Variants in MOGAT2 observed in about 807,000 individuals in gnomAD.
The protein encoded by MOGAT2 is 2-acylglycerol O-acyltransferase 2.
In MOGAT2, 27 loss-of-function variants were observed where a neutral mutation model predicts 31.5. The ratio of observed to expected loss-of-function variants is 0.86; its 90% confidence interval spans 0.63 to 1.18. The LOEUF (loss-of-function observed/expected upper bound fraction) is 1.18, where lower values mean the gene tolerates loss of function less well. Ranked by LOEUF, MOGAT2 falls within the 50% of genes most tolerant of loss-of-function variation. The pLI is 0.00. For synonymous variants in MOGAT2, 163 were observed against 170.0 expected (o/e 0.96, Z 0.32); for missense variants, 436 against 433.2 (o/e 1.01, Z -0.06).
chr11:75,720,775 A>G (rs1405105976), intron 2 of MOGAT2, among the ~76,000 whole-genome samples: 1 of 152,100 alleles, frequency 6.6e-6, no homozygotes. Flanking sequence ...CCATGTATCT[A>G]GTAAGTACAC....
At chr11:75,718,978 C>T (rs925056568) in intron 1 of MOGAT2, among the ~76,000 whole-genome samples, 7 of 150,852 alleles carry the variant, frequency 4.6e-5, no homozygotes, top group Non-Finnish European at 8.9e-5. Context: ...CTCTCTCTCT[C>T]TCTCACACAC....
rs1944430307 is a variant in MOGAT2, at chr11:75,727,411, C to T, written c.271-24C>T. The T allele has an allele frequency of 8.7e-6, 14 of 1,606,876 alleles. No homozygotes were observed. The East Asian group carries it at 3.1e-4, about 36-fold the overall frequency. On this transcript the variant is annotated intron_variant, in intron 2 of 5. Coordinates refer to ENST00000198801, the MANE Select transcript of MOGAT2 (RefSeq NM_025098.4). ...GGCTGGTACACAGGCCCCGCCCTGG[C>T]TCAGCAGGTTGCCGTCCCTGCAGCT...
At chr11:75,719,625 T>C (rs1417378067) in intron 1 of MOGAT2, 1 of 201,832 alleles carries the variant, frequency 5.0e-6, no homozygotes, top group African/African-American at 2.3e-5. Context: ...ACTAGAACAG[T>C]TTATCCAACC....
chr11:75,727,560 C>T lies in MOGAT2; in HGVS notation c.396C>T (p.Phe132=). ...CTESTGFSSI[F]PGIRPHLMML... is the part of the protein sequence containing the mutation. ...AGAGCACAGGCTTCTCTTCGATCTT[C>T]CCCGGTATCCGCCCCCATCTGATGA... is the stretch of plus-strand genomic sequence containing the variant. Residue 132 remains phenylalanine, a synonymous_variant, in exon 3 of 6, where the codon TTC becomes TTT. Transcript: ENST00000198801. 2 of 1,614,206 alleles carry T rather than the reference C, an allele frequency of 1.2e-6. No individual in the cohort carries two copies. Among genetic ancestry groups the T allele is most frequent in the East Asian group, 2.2e-5 (1 of 44,882 alleles).
At chr11:75,724,535 G>A (rs889187601) in intron 2 of MOGAT2, among the ~76,000 whole-genome samples, 5 of 152,088 alleles carry the variant, frequency 3.3e-5, no homozygotes, top group Admixed American at 6.5e-5. Context: ...CTCGGTGGGC[G>A]CTTGTCATCC....
rs12284314 is a variant in MOGAT2 at position 75,727,879 on chromosome 11, G to T, written c.476-91G>T. 161 of 1,340,158 alleles carry T rather than the reference G, an allele frequency of 1.2e-4. 2 individuals carry two copies. In the African/African-American group the frequency reaches 1.9e-3, roughly 16 times the overall value. 83.0% of individuals were successfully genotyped at this position (1,340,158 alleles called of 1,614,324 possible). A position where few individuals can be genotyped will look rare whatever the true frequency, so the allele number is the denominator to read the frequency against. ...GGGGGAAAAACCCCAGGCCTCAGTA[G>T]GCATTGCTGGTGATCTCTTTATGGG... On this transcript the variant is annotated intron_variant, in intron 3 of 5. Coordinates refer to ENST00000198801, the MANE Select transcript of MOGAT2 (RefSeq NM_025098.4).
chr11:75,725,855 A>T (rs985667196), intron 2 of MOGAT2, among the ~76,000 whole-genome samples: 1 of 152,096 alleles, frequency 6.6e-6, no homozygotes, highest in Non-Finnish European at 1.5e-5. Flanking sequence ...CCTATCAGGG[A>T]GCCTCCCGAT....
Position 75,727,825 on chromosome 11 carries a change from G to C in MOGAT2, c.476-145G>C, listed in dbSNP as rs1181263308. The C allele has an allele frequency of 3.9e-6, 4 of 1,030,484 alleles. No homozygotes were observed. The African/African-American group carries it at 6.5e-5, about 17-fold the overall frequency. 63.8% of individuals were successfully genotyped at this position (1,030,484 alleles called of 1,614,324 possible). ...GGGTTGGGAAGAGGGAGAAGACTCA[G>C]GGAGCTCCTAGCTGGAATGGGGTGC... On this transcript the variant is annotated intron_variant, in intron 3 of 5. Coordinates refer to ENST00000198801, the MANE Select transcript of MOGAT2 (RefSeq NM_025098.4).
intron 5 of MOGAT2, 57 bp downstream of exon 5, chr11:75,729,046 G>A (rs1388367596): frequency 1.3e-6 from 2 of 1,546,560 alleles, no homozygotes; most frequent in Non-Finnish European, 1.8e-6. Context: ...CAGGTTGTGT[G>A]CTGCAAGGGG....
chr11:75,728,838 C>T lies in MOGAT2; in HGVS notation c.699C>T (p.Asp233=), dbSNP rs151232866. 18 of 1,614,128 alleles carry T rather than the reference C, an allele frequency of 1.1e-5. No individual in the cohort carries two copies. Among genetic ancestry groups the T allele is most frequent in the African/African-American group, 4.0e-5 (3 of 74,940 alleles). Residue 233 remains aspartate, a synonymous_variant, in exon 5 of 6, where the codon GAC becomes GAT. Transcript: ENST00000198801. ...IFSFGENDLF[D]QIPNSSGSWL... ...CCTTCGGGGAGAATGACCTATTTGA[C>T]CAGATTCCCAACTCTTCTGGCTCCT...
chr11:75,727,225 C>T (rs191663022), intron 2 of MOGAT2, among the ~76,000 whole-genome samples: 1 of 152,144 alleles, frequency 6.6e-6, no homozygotes, highest in African/African-American at 2.4e-5. Context: ...CCCAAGCCAG[C>T]ATCAAGTCTG....
chr11:75,724,510 G>T (rs553975848), intron 2 of MOGAT2, among the ~76,000 whole-genome samples: 4 of 152,080 alleles, frequency 2.6e-5, no homozygotes, highest in Non-Finnish European at 4.4e-5. Context: ...TTATGTGCAC[G>T]TATCCAAGTT....
At position 75,720,097 on chromosome 11, in the gene MOGAT2, A is replaced by G; in HGVS notation, c.197A>G (p.Gln66Arg). ...TATCTGGACCGAGACAAGCCACGGC[A>G]GGGGGGCCGGCACATCCAGGCCATC... Reference protein sequence around the residue: ...WWYLDRDKPRQGGRHIQAIRC... With the variant: ...WWYLDRDKPRRGGRHIQAIRC... The change falls in exon 2 of 6, where the codon CAG becomes CGG. Residue 66 changes from glutamine to arginine, a missense_variant. Physicochemically the swap from Gln to Arg is conservative, Grantham distance 43. Transcript: ENST00000198801. The G allele has an allele frequency of 6.2e-7, 1 of 1,614,056 alleles. No homozygotes were observed. The highest frequency in any genetic ancestry group is 8.5e-7 in the Non-Finnish European group (1 of 1,180,012).
chr11:75,730,362 C>T (rs1944464632), intron 5 of MOGAT2, among the ~76,000 whole-genome samples: 1 of 152,060 alleles, frequency 6.6e-6, no homozygotes, highest in Non-Finnish European at 1.5e-5. Flanking sequence ...TGAACACACC[C>T]CATCTTAGAA....
Position 75,731,395 on chromosome 11 carries a change from C to A in MOGAT2, c.*109C>A. On this transcript the variant is annotated 3_prime_UTR_variant, in exon 6 of 6. Coordinates refer to ENST00000198801, the MANE Select transcript of MOGAT2 (RefSeq NM_025098.4). ...TCTGCAGAGCCTTCCCAGACTCCTG[C>A]AAATCCAACCCATATCAGGCTGTAA... The A allele has an allele frequency of 8.0e-7, 1 of 1,254,674 alleles. No individual in the cohort carries two copies. Among genetic ancestry groups the A allele is most frequent in the Non-Finnish European group, 1.1e-6 (1 of 935,350 alleles). 77.7% of individuals were successfully genotyped at this position (1,254,674 alleles called of 1,614,324 possible). A position where few individuals can be genotyped will look rare whatever the true frequency, so the allele number is the denominator to read the frequency against.
intron 5 of MOGAT2, 168 bp from the exon 6 acceptor site, chr11:75,730,964 G>A (rs548710085): frequency 1.1e-4 from 48 of 433,908 alleles, no homozygotes; most frequent in South Asian, 4.8e-4. Context: ...AAATCCAGCC[G>A]TTGTTATTAT....
chr11:75,722,296 T>C (rs1047902047), intron 2 of MOGAT2, among the ~76,000 whole-genome samples: 4 of 152,204 alleles, frequency 2.6e-5, no homozygotes. Flanking sequence ...CTCTCCAGCC[T>C]GGGCTTCCTC....
chr11:75,724,729 T>A (rs1202362301), intron 2 of MOGAT2, among the ~76,000 whole-genome samples: 1 of 151,962 alleles, frequency 6.6e-6, no homozygotes, highest in East Asian at 1.9e-4. Flanking sequence ...TCATGTCCCA[T>A]CTCCCCAGTT....
chr11:75,726,451 C>T (rs1944422127), intron 2 of MOGAT2, among the ~76,000 whole-genome samples: 5 of 152,142 alleles, frequency 3.3e-5, no homozygotes, highest in Admixed American at 3.3e-4. Flanking sequence ...TGCTCACGTC[C>T]CTCGTATAAA....
Sources: gnomAD v4.1 joint callset for allele counts (sites outside exome capture counted in the v4.1 genomes callset) on GRCh38, gnomAD v4.1.1 for gene constraint, MANE v1.5 for transcripts, NCBI Gene and HGNC (gene_info 2026-07-23, HGNC 2026-07-21) for gene names.